PAM: variants seen among roughly 807,000 people sequenced by gnomAD.
PAM encodes peptidylglycine alpha-amidating monooxygenase, also known as peptidyl-glycine alpha-amidating monooxygenase.
Under a neutral mutation model 122.1 loss-of-function variants are expected in PAM, and 72 were observed. The ratio of observed to expected loss-of-function variants is 0.59; its 90% CI spans 0.49 to 0.72. PAM has a LOEUF of 0.72. PAM is among the 30% of genes least tolerant of loss of function. The pLI is 0.00. For missense variants in PAM, 1,106 were observed against 1,183.7 expected, an observed-to-expected ratio of 0.93 and a Z score of 0.96; for synonymous variants, 389 against 404.4, an observed-to-expected ratio of 0.96 and a Z score of 0.46.
chr5:102,802,766 A>C (rs954907941), intron 1 of PAM, among the ~76,000 whole-genome samples: 1 of 152,110 alleles, frequency 6.6e-6, no homozygotes, highest in African/African-American at 2.4e-5. Flanking sequence ...AGTTTTGTTT[A>C]TTATTATTAA....
At chr5:102,950,685 T>C (rs376562284) in intron 11 of PAM, 32 bp from the exon 12 acceptor site, 42 of 1,242,750 alleles carry the variant, frequency 3.4e-5, no homozygotes, top group Non-Finnish European at 4.7e-6. Context: ...ATTGGTAATA[T>C]TAATGATTCA....
At chr5:102,886,755 T>C (rs897941814) in intron 3 of PAM, among the ~76,000 whole-genome samples, 1 of 152,050 alleles carries the variant, frequency 6.6e-6, no homozygotes, top group Non-Finnish European at 1.5e-5. Context: ...TTTTGGTTAG[T>C]GTATACTCAA....
chr5:102,828,209 T>A (rs1774245701), intron 1 of PAM, among the ~76,000 whole-genome samples: 1 of 151,916 alleles, frequency 6.6e-6, no homozygotes. Context: ...TAGCCAAGCG[T>A]GGTGGTGTGC....
At chr5:102,940,147 C>T (rs939161860) in intron 7 of PAM, among the ~76,000 whole-genome samples, 1 of 147,030 alleles carries the variant, frequency 6.8e-6, no homozygotes, top group African/African-American at 2.6e-5. Flanking sequence ...CACACACACA[C>T]ACATACACAC....
intron 3 of PAM, among the ~76,000 whole-genome samples, chr5:102,887,361 A>G (rs992065378): frequency 6.6e-6 from 1 of 151,928 alleles, no homozygotes; most frequent in Non-Finnish European, 1.5e-5. Flanking sequence ...GCTTTTATTC[A>G]TGAGTTGAAG....
chr5:102,808,019 C>T (rs1360185634), intron 1 of PAM: 1 of 152,154 alleles, frequency 6.6e-6, no homozygotes, highest in Non-Finnish European at 1.5e-5. Context: ...GCTGGAGCCC[C>T]AGGAAGTTGT....
intron 3 of PAM, among the ~76,000 whole-genome samples, chr5:102,872,547 A>T (rs1010185951): frequency 6.6e-6 from 1 of 152,158 alleles, no homozygotes; most frequent in South Asian, 2.1e-4. Flanking sequence ...TCCACAATAC[A>T]TGTATAATCT....
chr5:102,934,503 C>T lies in PAM; in HGVS notation c.526+7835C>T, dbSNP rs552570515. ...AGGATACACTTTTACCTCAGTTTTC[C>T]TTCTTTATTCTCAAGGCTGTGATAC... is the stretch of plus-strand genomic sequence containing the variant. On this transcript the variant is annotated intron_variant, in intron 7 of 25. Coordinates refer to ENST00000438793, the MANE Select transcript of PAM (RefSeq NM_001177306.2). 9.9e-5 allele frequency among the ~76,000 whole-genome samples: 15 copies of T among 152,216 alleles called. No homozygotes were observed. The East Asian group carries it at 2.5e-3, about 26-fold the overall frequency.
chr5:102,859,413 T>C (rs552142138), intron 1 of PAM, among the ~76,000 whole-genome samples: 1 of 151,966 alleles, frequency 6.6e-6, no homozygotes, highest in African/African-American at 2.4e-5. Context: ...TAATAAGGTT[T>C]TTTTTTAAAA....
At chr5:102,913,557 T>C (rs1802124112) in intron 4 of PAM, among the ~76,000 whole-genome samples, 2 of 151,950 alleles carry the variant, frequency 1.3e-5, no homozygotes, top group African/African-American at 4.8e-5. Flanking sequence ...TTCACTACAA[T>C]GTTGAGCAGT....
At chr5:102,884,617 T>C (rs563244933) in intron 3 of PAM, among the ~76,000 whole-genome samples, 2 of 152,090 alleles carry the variant, frequency 1.3e-5, no homozygotes, top group Non-Finnish European at 2.9e-5. Context: ...GTTTCACTTA[T>C]TTTCAGATTT....
At chr5:102,977,694 A>ACACC (rs1562109179) in intron 15 of PAM, among the ~76,000 whole-genome samples, 1 of 137,712 alleles carries the variant, frequency 7.3e-6, no homozygotes, top group Non-Finnish European at 1.6e-5. Context: ...ACACACACAC[A>ACACC]CACACAAAAT....
intron 1 of PAM, among the ~76,000 whole-genome samples, chr5:102,802,988 T>G (rs575580283): frequency 5.3e-5 from 8 of 152,100 alleles, no homozygotes; most frequent in South Asian, 2.1e-4. Context: ...CCAGGTGTGG[T>G]GGTGCATGCC....
intron 3 of PAM, among the ~76,000 whole-genome samples, chr5:102,887,856 C>T (rs1337399440): frequency 6.6e-6 from 1 of 151,886 alleles, no homozygotes; most frequent in Non-Finnish European, 1.5e-5. Flanking sequence ...TAAATACCTT[C>T]TCATCTTTCA....
chr5:102,882,622 C>T (rs970722270), intron 3 of PAM, among the ~76,000 whole-genome samples: 7 of 152,064 alleles, frequency 4.6e-5, no homozygotes, highest in African/African-American at 1.7e-4. Context: ...GAAATTAGTC[C>T]TTTGTCAAAT....
chr5:103,003,300 G>T, intron 17 of PAM, 151 bp downstream of exon 17: 1 of 524,916 alleles, frequency 1.9e-6, no homozygotes, highest in Admixed American at 3.4e-5. Flanking sequence ...TTTCTACATA[G>T]GTGTTTCTAA....
In PAM at chr5:103,002,906, G is replaced by A. The variant is rs568343222; in HGVS notation, c.1614-127G>A. ...TTATAATCCAAATGACTGAAATGTG[G>A]CAGACAAAGAGTGAAGTCAAATACA... On this transcript the variant is annotated intron_variant, in intron 16 of 25. Transcript: ENST00000438793. The A allele has an allele frequency of 3.1e-4, 197 of 638,112 alleles. No individual in the cohort carries two copies. In the African/African-American group the frequency reaches 3.1e-3, roughly 10 times the overall value. 39.5% of individuals were successfully genotyped at this position (638,112 alleles called of 1,614,324 possible).
chr5:102,771,257 T>C (rs1755714361), intron 1 of PAM, among the ~76,000 whole-genome samples: 1 of 152,160 alleles, frequency 6.6e-6, no homozygotes, highest in Non-Finnish European at 1.5e-5. Flanking sequence ...AGTTTAGGGG[T>C]GGTTGGGAAC....
At chr5:102,865,099 A>G (rs1292019211) in intron 1 of PAM, 2 of 151,700 alleles carry the variant, frequency 1.3e-5, no homozygotes, top group East Asian at 1.9e-4. Context: ...TTAGGAAAGG[A>G]TATCTTTTGG....
Sources: allele counts gnomAD v4.1 joint callset (sites outside exome capture counted in the v4.1 genomes callset), GRCh38; gene constraint gnomAD v4.1.1; transcripts MANE v1.5; gene names NCBI Gene and HGNC (gene_info 2026-07-23, HGNC 2026-07-21).